Variants in KDM7A observed in about 807,000 individuals in gnomAD.
The protein encoded by KDM7A is lysine-specific demethylase 7A.
Under a neutral mutation model 114.8 loss-of-function variants are expected in KDM7A, and 28 were observed. That is an observed-to-expected ratio of 0.24 (90% CI 0.18 to 0.33). The LOEUF is 0.33. Ranked by LOEUF, KDM7A falls within the 10% of genes least tolerant of loss-of-function variation. KDM7A has a pLI of 1.00. For synonymous variants in KDM7A, 423 were observed against 397.8 expected (o/e 1.06, Z -0.75); for missense variants, 942 against 1,142.5 (o/e 0.82, Z 2.53).
chr7:140,133,473 A>C, intron 3 of KDM7A, 66 bp downstream of exon 3: 1 of 903,958 alleles, frequency 1.1e-6, no homozygotes, highest in Non-Finnish European at 1.8e-6. Context: ...CCTTTATATA[A>C]TGTCACTCTA....
At chr7:140,103,287 T>C (rs564199045) in intron 11 of KDM7A, among the ~76,000 whole-genome samples, 1 of 151,764 alleles carries the variant, frequency 6.6e-6, no homozygotes, top group Non-Finnish European at 1.5e-5. Flanking sequence ...ATCCACGCTA[T>C]ACCATGTGTC....
At chr7:140,114,848 C>T (rs1056003682) in intron 9 of KDM7A, among the ~76,000 whole-genome samples, 5 of 147,466 alleles carry the variant, frequency 3.4e-5, no homozygotes, top group Admixed American at 6.7e-5. Flanking sequence ...GGAGCCCCTC[C>T]GCCCGGCAGC....
At position 140,176,812 on chromosome 7, in the gene KDM7A, GCA is replaced by G; in HGVS notation, c.124_125del (p.Cys42ProfsTer34). The G allele has an allele frequency of 1.4e-6, 2 of 1,409,726 alleles. No individual in the cohort carries two copies. Among genetic ancestry groups the G allele is most frequent in the Non-Finnish European group, 1.9e-6 (2 of 1,059,716 alleles). The allele number at this position is 1,409,726 out of a possible 1,614,324, so 87.3% of individuals were successfully genotyped here. A position where few individuals can be genotyped will look rare whatever the true frequency, so the allele number is the denominator to read the frequency against. On this transcript the variant is annotated frameshift_variant, in exon 1 of 20. Coordinates refer to ENST00000397560, the MANE Select transcript of KDM7A (RefSeq NM_030647.2). LOFTEE classifies it high-confidence loss of function. This position sits in a 1 kb window ranked among gnomAD's most constrained non-coding sequence, Gnocchi z 4.4. ...AGCGGTTCACGTCGTACGGCTGCCG[GCA>G]CACACAGTACACGGGCGGGGGCGGC... is the stretch of plus-strand genomic sequence containing the variant. ...PPPPPPVYCV[C>X]RQPYDVNRFM...
chr7:140,169,905 A>G (rs1794619359), intron 1 of KDM7A, among the ~76,000 whole-genome samples: 1 of 152,224 alleles, frequency 6.6e-6, no homozygotes, highest in African/African-American at 2.4e-5. Context: ...TAATCACAAC[A>G]TATTTTGTTC....
chr7:140,152,374 T>C (rs1298572989), intron 1 of KDM7A, among the ~76,000 whole-genome samples: 2 of 152,104 alleles, frequency 1.3e-5, no homozygotes, highest in Non-Finnish European at 2.9e-5. Context: ...CCTGGAATCC[T>C]AGCACTCTGG....
Position 140,127,729 on chromosome 7 carries a change from T to C in KDM7A, c.560-146A>G, listed in dbSNP as rs114685059. On this transcript the variant is annotated intron_variant, in intron 4 of 19. Coordinates refer to ENST00000397560, the MANE Select transcript of KDM7A (RefSeq NM_030647.2). ...ACAAATATTTTCCCTATACTCTTAA[T>C]TTCTCAAGTTCAACTGGACCTTTCA... 1,213 of 754,038 alleles carry C rather than the reference T, an allele frequency of 1.6e-3. 5 individuals carry two copies. In the African/African-American group the frequency reaches 0.019, roughly 12 times the overall value. The allele number at this position is 754,038 out of a possible 1,614,324, so 46.7% of individuals were successfully genotyped here. A position where few individuals can be genotyped will look rare whatever the true frequency, so the allele number is the denominator to read the frequency against.
chr7:140,092,279 G>A (rs1585135149), intron 18 of KDM7A: 3 of 593,042 alleles, frequency 5.1e-6, no homozygotes, highest in South Asian at 4.1e-5. Flanking sequence ...AAGTTGCATC[G>A]TTAAGTTAAG....
intron 2 of KDM7A, among the ~76,000 whole-genome samples, chr7:140,137,270 A>G (rs1217559981): frequency 6.6e-6 from 1 of 152,236 alleles, no homozygotes; most frequent in African/African-American, 2.4e-5. Context: ...TTAAGTCGTG[A>G]TCCATTATGG....
chr7:140,118,470 C>T (rs1562951212), intron 9 of KDM7A, among the ~76,000 whole-genome samples: 2 of 151,720 alleles, frequency 1.3e-5, no homozygotes, highest in South Asian at 2.1e-4. Context: ...TGCATGATCT[C>T]GGCTCAATGC....
intron 1 of KDM7A, among the ~76,000 whole-genome samples, chr7:140,141,824 G>A (rs1332984631): frequency 6.6e-6 from 1 of 151,428 alleles, no homozygotes; most frequent in African/African-American, 2.4e-5. Flanking sequence ...AACCCAGGAC[G>A]TGGAGGTTGC....
chr7:140,173,727 G>C (rs767545944), intron 1 of KDM7A, among the ~76,000 whole-genome samples: 5 of 152,104 alleles, frequency 3.3e-5, no homozygotes, highest in African/African-American at 7.2e-5. Context: ...TCTCATGGAA[G>C]CAAATGATAT....
chr7:140,100,754 T>TG (rs1554395446), intron 12 of KDM7A, among the ~76,000 whole-genome samples: 31,940 of 106,934 alleles, frequency 0.3, 4,735 homozygotes, highest in Middle Eastern at 0.4. Flanking sequence ...ATATATATTT[T>TG]TTTGTTTGTT....
intron 1 of KDM7A, among the ~76,000 whole-genome samples, chr7:140,162,665 T>C (rs535854363): frequency 6.6e-6 from 1 of 152,286 alleles, no homozygotes; most frequent in Non-Finnish European, 1.5e-5. Context: ...CAACAGAACA[T>C]GAATTTTAAA....
intron 9 of KDM7A, 60 bp from the exon 10 acceptor site, chr7:140,113,642 G>T: frequency 2.4e-6 from 2 of 843,742 alleles, no homozygotes; most frequent in South Asian, 1.6e-5. Context: ...AAGTTAAAGG[G>T]ATTAACTTCA....
In KDM7A at chr7:140,092,084, G is replaced by A. The variant is rs764745046; in HGVS notation, c.2458-7C>T. On this transcript the variant is annotated splice_polypyrimidine_tract_variant and splice_region_variant and intron_variant, in intron 18 of 19. Transcript: ENST00000397560. ...TCTGGCTTCTACTTAGATCCTGAAGGAGGAGGAAGGACATGAGGCTGAATT... is the reference window on the plus strand; with the variant it reads ...TCTGGCTTCTACTTAGATCCTGAAGAAGGAGGAAGGACATGAGGCTGAATT... 26 of 1,613,428 alleles carry A rather than the reference G, an allele frequency of 1.6e-5. No homozygotes were observed. Among genetic ancestry groups the A allele is most frequent in the Non-Finnish European group, 2.1e-5 (25 of 1,179,638 alleles).
intron 1 of KDM7A, among the ~76,000 whole-genome samples, chr7:140,173,386 G>T (rs551478674): frequency 6.6e-6 from 1 of 152,220 alleles, no homozygotes; most frequent in Non-Finnish European, 1.5e-5. Flanking sequence ...GGAAGACGCT[G>T]GTTCCATCCA....
At position 140,089,833 on chromosome 7, in the gene KDM7A, A is replaced by G. The variant is rs1275620355; in HGVS notation, c.*1261T>C. On this transcript the variant is annotated 3_prime_UTR_variant, in exon 20 of 20. Coordinates refer to ENST00000397560, the MANE Select transcript of KDM7A (RefSeq NM_030647.2). ...AGCACCCATTTTACTCCAAATCCAT[A>G]TCTTAAGTAATTCTTTAGAAAATTA... 6.6e-6 allele frequency: 1 copy of G among 152,218 alleles called. No individual in the cohort carries two copies. Among genetic ancestry groups the G allele is most frequent in the Non-Finnish European group, 1.5e-5 (1 of 68,032 alleles). The allele number at this position is 152,218 out of a possible 1,614,324, so 9.4% of individuals were successfully genotyped here.
Position 140,090,612 on chromosome 7 carries a change from C to T in KDM7A, c.*482G>A, listed in dbSNP as rs1282882933. 6.5e-6 allele frequency: 1 copy of T among 153,088 alleles called. No homozygotes were observed. Among genetic ancestry groups the T allele is most frequent in the African/African-American group, 2.4e-5 (1 of 41,436 alleles). The allele number at this position is 153,088 out of a possible 1,614,324, so 9.5% of individuals were successfully genotyped here. On this transcript the variant is annotated 3_prime_UTR_variant, in exon 20 of 20. Transcript: ENST00000397560. Reference sequence around the variant, plus strand: ...TTACTGTTACTGTGGCCCTTCCCCACATGTAACACACACACTATCAAAAAT... The same window carrying T: ...TTACTGTTACTGTGGCCCTTCCCCATATGTAACACACACACTATCAAAAAT...
chr7:140,124,084 A>AT (rs1554398113), intron 7 of KDM7A, among the ~76,000 whole-genome samples: 2 of 127,588 alleles, frequency 1.6e-5, no homozygotes, highest in East Asian at 4.3e-4. Context: ...AAAAAAAAAA[A>AT]AGTAAGAAAA....
Sources: gnomAD v4.1 joint callset for allele counts (sites outside exome capture counted in the v4.1 genomes callset) on GRCh38, gnomAD v4.1.1 for gene constraint, Gnocchi (gnomAD v3.1) non-coding constraint, MANE v1.5 for transcripts, NCBI Gene and HGNC (gene_info 2026-07-23, HGNC 2026-07-21) for gene names.